Variants in AGPAT3 observed in about 807,000 individuals in gnomAD.
AGPAT3 encodes the protein 1-acylglycerol-3-phosphate O-acyltransferase 3.
In AGPAT3, 5 loss-of-function variants were observed where a neutral mutation model predicts 47.3. The ratio of observed to expected loss-of-function variants is 0.11; its 90% confidence interval spans 0.06 to 0.22. The LOEUF (loss-of-function observed/expected upper bound fraction) is 0.22. Ranked by LOEUF, AGPAT3 falls within the 10% of genes least tolerant of loss-of-function variation. The pLI is 1.00. For synonymous variants in AGPAT3, 212 were observed against 208.3 expected (o/e 1.02, Z -0.15); for missense variants, 315 against 493.0 (o/e 0.64, Z 3.42).
At chr21:43,951,539 C>T (rs903122343) in intron 2 of AGPAT3, among the ~76,000 whole-genome samples, 6 of 152,212 alleles carry the variant, frequency 3.9e-5, no homozygotes, top group Non-Finnish European at 7.3e-5. Flanking sequence ...TCCTGGACCC[C>T]AGGACCCAAG....
At position 43,981,001 on chromosome 21, in the gene AGPAT3, G is replaced by A; in HGVS notation, c.856G>A (p.Glu286Lys). 1 of 1,614,176 alleles carries A rather than the reference G, an allele frequency of 6.2e-7. No homozygotes were observed. Among genetic ancestry groups the A allele is most frequent in the Non-Finnish European group, 8.5e-7 (1 of 1,180,036 alleles). Residue 286 changes from glutamate to lysine, a missense_variant, in exon 9 of 10, where the codon GAG becomes AAG. Transcript: ENST00000291572. The surrounding 1 kb of genome is among the most constrained non-coding windows in gnomAD (Gnocchi z 5.3). Reference protein sequence around the residue: ...KLYQEKDALQEIYNQKGMFPG... With the variant: ...KLYQEKDALQKIYNQKGMFPG... Reference sequence around the variant, plus strand: ...TTGACTCTTCTAGGACGCGCTCCAGGAGATATATAATCAGAAGGGCATGTT... The same window carrying A: ...TTGACTCTTCTAGGACGCGCTCCAGAAGATATATAATCAGAAGGGCATGTT...
chr21:43,980,158 C>T (rs2089786828), intron 8 of AGPAT3, among the ~76,000 whole-genome samples: 1 of 151,810 alleles, frequency 6.6e-6, no homozygotes, highest in South Asian at 2.1e-4. Flanking sequence ...CACCTGTAAT[C>T]CCAGCTACTC....
chr21:43,976,890 A>G (rs1254582701), intron 7 of AGPAT3, among the ~76,000 whole-genome samples: 1 of 152,210 alleles, frequency 6.6e-6, no homozygotes, highest in Non-Finnish European at 1.5e-5. Flanking sequence ...TACACACAGT[A>G]TCACTGCTGC....
At chr21:43,871,814 CT>C (rs2085630482) in intron 1 of AGPAT3, among the ~76,000 whole-genome samples, 1 of 152,112 alleles carries the variant, frequency 6.6e-6, no homozygotes, top group African/African-American at 2.4e-5. Context: ...TCATCTTTGG[CT>C]GTAATGTGTG....
chr21:43,953,247 G>A (rs1423194575), intron 2 of AGPAT3, among the ~76,000 whole-genome samples: 2 of 152,214 alleles, frequency 1.3e-5, no homozygotes, highest in East Asian at 1.9e-4. Context: ...TGTCCTCCAC[G>A]GGGCCCTGCA....
chr21:43,922,700 A>G lies in AGPAT3; in HGVS notation c.-49+18681A>G, dbSNP rs1033105263. Among the ~76,000 whole-genome samples the G allele has an allele frequency of 7.9e-5, 12 of 151,832 alleles. No homozygotes were observed. Among genetic ancestry groups the G allele is most frequent in the Middle Eastern group, 3.4e-3 (1 of 294 alleles). On this transcript the variant is annotated intron_variant, in intron 2 of 9. Transcript: ENST00000291572. The surrounding 1 kb of genome is among the most constrained non-coding windows in gnomAD (Gnocchi z 4.9). ...GGGCTTCCATGGGGTCTCCCAGCTCAGGGGCTGTGGCTCAGGAGCCATGTG... is the reference window on the plus strand; with the variant it reads ...GGGCTTCCATGGGGTCTCCCAGCTCGGGGGCTGTGGCTCAGGAGCCATGTG...
At chr21:43,877,433 CTGAAATGG>C (rs2085758501) in intron 1 of AGPAT3, among the ~76,000 whole-genome samples, 1 of 152,136 alleles carries the variant, frequency 6.6e-6, no homozygotes, top group Non-Finnish European at 1.5e-5. Flanking sequence ...TAGGAAGCAC[CTGAAATGG>C]TGCTATTCTT....
At chr21:43,961,347 G>A (rs1029824350) in intron 3 of AGPAT3, among the ~76,000 whole-genome samples, 5 of 150,014 alleles carry the variant, frequency 3.3e-5, no homozygotes, top group Non-Finnish European at 5.9e-5. Context: ...CGTGGGAAAC[G>A]GTAAGCGCGT....
At chr21:43,967,612 C>T (rs2089191789) in intron 3 of AGPAT3, 1 of 241,364 alleles carries the variant, frequency 4.1e-6, no homozygotes, top group South Asian at 1.2e-4. Flanking sequence ...TGACATTTTT[C>T]ATCTTCTGCA....
At chr21:43,951,790 A>T (rs898875007) in intron 2 of AGPAT3, among the ~76,000 whole-genome samples, 1 of 151,628 alleles carries the variant, frequency 6.6e-6, no homozygotes, top group African/African-American at 2.4e-5. Flanking sequence ...AAAACCAGGG[A>T]CTCCTCTGTT....
intron 7 of AGPAT3, among the ~76,000 whole-genome samples, chr21:43,974,119 A>G (rs1015224863): frequency 2.0e-5 from 3 of 151,458 alleles, no homozygotes; most frequent in Admixed American, 6.6e-5. Context: ...TATGTAGTAT[A>G]TGTGATGTGT....
intron 2 of AGPAT3, among the ~76,000 whole-genome samples, chr21:43,918,243 G>GCGGCGGT (rs2086802072): frequency 3.3e-5 from 5 of 151,956 alleles, no homozygotes; most frequent in Non-Finnish European, 5.9e-5. Flanking sequence ...TGTGGGTGTT[G>GCGGCGGT]TAGGTGGCCA....
Position 43,986,998 on chromosome 21 carries a change from G to A in AGPAT3, c.*4606G>A, listed in dbSNP as rs1161551632. Among the ~76,000 whole-genome samples the A allele has an allele frequency of 1.3e-5, 2 of 152,212 alleles. No homozygotes were observed. Among genetic ancestry groups the A allele is most frequent in the African/African-American group, 4.8e-5 (2 of 41,452 alleles). On this transcript the variant is annotated 3_prime_UTR_variant, in exon 10 of 10. Coordinates refer to ENST00000291572, the MANE Select transcript of AGPAT3 (RefSeq NM_020132.5). The stretch of plus-strand genomic sequence containing the variant: ...CCTGGCTGCGTTTGCCGTGCTGTGC[G>A]AGGACCTGTGTACACAGGCAGGTGT...
chr21:43,944,282 AG>A (rs1225527136), intron 2 of AGPAT3, among the ~76,000 whole-genome samples: 11 of 152,276 alleles, frequency 7.2e-5, no homozygotes, highest in Non-Finnish European at 2.9e-5. Context: ...GAGGCCGCTG[AG>A]TGGTTCCCGG....
chr21:43,883,835 C>A (rs2085906226), intron 1 of AGPAT3, among the ~76,000 whole-genome samples: 1 of 152,226 alleles, frequency 6.6e-6, no homozygotes, highest in South Asian at 2.1e-4. Context: ...CTCAGGCAAT[C>A]CACCTGCCTT....
At position 43,982,210 on chromosome 21, in the gene AGPAT3, C is replaced by T. The variant is rs2089879515; in HGVS notation, c.1043-94C>T. 1.1e-5 allele frequency: 10 copies of T among 926,010 alleles called. No individual in the cohort carries two copies. The South Asian group carries it at 1.4e-4, about 13-fold the overall frequency. The allele number at this position is 926,010 out of a possible 1,614,324, so 57.4% of individuals were successfully genotyped here. On this transcript the variant is annotated intron_variant, in intron 9 of 9. Transcript: ENST00000291572. This position sits in a 1 kb window ranked among gnomAD's most constrained non-coding sequence, Gnocchi z 6.2. ...TGGGTGCGGGGCAGAGGGACAGGGTCTGGGGCAGAGGAAGGAAGCCCCAGT... is the reference window on the plus strand; with the variant it reads ...TGGGTGCGGGGCAGAGGGACAGGGTTTGGGGCAGAGGAAGGAAGCCCCAGT...
chr21:43,920,279 A>C lies in AGPAT3; in HGVS notation c.-49+16260A>C, dbSNP rs1350533152. Among the ~76,000 whole-genome samples, 2 of 151,916 alleles carry C rather than the reference A, an allele frequency of 1.3e-5. No individual in the cohort carries two copies. The highest frequency in any genetic ancestry group is 2.9e-5 in the Non-Finnish European group (2 of 67,934). The stretch of plus-strand genomic sequence containing the variant: ...GGTGTGTGTAAAGCGTGAATGTGTC[A>C]GTGTGAGAGTGTGTGTGTGCGTGTG... On this transcript the variant is annotated intron_variant, in intron 2 of 9. Transcript: ENST00000291572. The surrounding 1 kb of genome is among the most constrained non-coding windows in gnomAD (Gnocchi z 6.1).
In AGPAT3 at chr21:43,981,069, C is replaced by T. The variant is rs2043019371; in HGVS notation, c.924C>T (p.Leu308=). Residue 308 remains leucine, a synonymous_variant, in exon 9 of 10, where the codon CTC becomes CTT. Transcript: ENST00000291572. This position sits in a 1 kb window ranked among gnomAD's most constrained non-coding sequence, Gnocchi z 5.3. ...AGCCTGCCCGGAGGCCGTGGACCCT[C>T]CTGAACTTCCTGTCCTGGGCCACCA... ...QFKPARRPWT[L]LNFLSWATIL... 1 of 1,614,114 alleles carries T rather than the reference C, an allele frequency of 6.2e-7. No individual in the cohort carries two copies. Among genetic ancestry groups the T allele is most frequent in the Non-Finnish European group, 8.5e-7 (1 of 1,180,040 alleles).
chr21:43,970,868 T>TAAA lies in AGPAT3; in HGVS notation c.664+74_664+76dup, dbSNP rs112823395. The TAAA allele has an allele frequency of 7.8e-5, 90 of 1,147,772 alleles. No homozygotes were observed. Among genetic ancestry groups the TAAA allele is most frequent in the African/African-American group, 5.4e-4 (33 of 61,340 alleles). The allele number at this position is 1,147,772 out of a possible 1,614,324, so 71.1% of individuals were successfully genotyped here. ...TGCTCACGGAAAATAGTGATTTCTT[T>TAAA]AAAAAAAAAAAAAATGAGTGCATTC... On this transcript the variant is annotated intron_variant, in intron 6 of 9. Transcript: ENST00000291572. This position sits in a 1 kb window ranked among gnomAD's most constrained non-coding sequence, Gnocchi z 5.8.
Sources: allele counts gnomAD v4.1 joint callset (sites outside exome capture counted in the v4.1 genomes callset), GRCh38; gene constraint gnomAD v4.1.1; non-coding constraint Gnocchi (gnomAD v3.1); transcripts MANE v1.5; gene names NCBI Gene and HGNC (gene_info 2026-07-23, HGNC 2026-07-21).